CDIN1: variants seen among roughly 807,000 people sequenced by gnomAD.
CDIN1 encodes the protein CDAN1-interacting nuclease 1.
In CDIN1, 33 loss-of-function variants were observed where a neutral mutation model predicts 45.3. The observed-to-expected ratio is 0.73, with a 90% CI of 0.55 to 0.97. The LOEUF is 0.97. CDIN1 is among the 50% of genes least tolerant of loss of function. CDIN1 has a pLI of 0.00. For synonymous variants in CDIN1, 118 were observed against 124.4 expected (o/e 0.95, Z 0.34); for missense variants, 303 against 339.4 (o/e 0.89, Z 0.84).
intron 10 of CDIN1, among the ~76,000 whole-genome samples, chr15:36,758,209 G>C (rs1402635420): frequency 6.6e-6 from 1 of 151,988 alleles, no homozygotes; most frequent in Non-Finnish European, 1.5e-5. Context: ...ACTAATCTCA[G>C]AGCAGGCTAG....
intron 10 of CDIN1, among the ~76,000 whole-genome samples, chr15:36,778,601 A>T (rs2054276468): frequency 6.6e-6 from 1 of 152,070 alleles, no homozygotes; most frequent in African/African-American, 2.4e-5. Context: ...ATTTGTATGT[A>T]TTTATCTTGG....
chr15:36,735,066 A>G (rs1812704663), intron 10 of CDIN1, among the ~76,000 whole-genome samples: 1 of 152,216 alleles, frequency 6.6e-6, no homozygotes, highest in Admixed American at 6.5e-5. Flanking sequence ...AGATACTGCA[A>G]ACTACTTTGT....
At chr15:36,765,057 CTTTCTT>C (rs1272809420) in intron 10 of CDIN1, among the ~76,000 whole-genome samples, 1 of 139,644 alleles carries the variant, frequency 7.2e-6, no homozygotes, top group Non-Finnish European at 1.5e-5. Flanking sequence ...ATTTTTCTTT[CTTTCTT>C]TTTTTTTTTT....
rs1266681539 is a variant in CDIN1, at chr15:36,672,547, G to T, written c.346+14642G>T. Among the ~76,000 whole-genome samples, 4 of 151,594 alleles carry T rather than the reference G, an allele frequency of 2.6e-5. No individual in the cohort carries two copies. The East Asian group carries it at 7.8e-4, about 30-fold the overall frequency. ...GTGGTAAGTGCTATGGGGGGAAATA[G>T]AACAGTGCAAACATGCTGAACACCT... On this transcript the variant is annotated intron_variant, in intron 5 of 10. Coordinates refer to ENST00000566621, the MANE Select transcript of CDIN1 (RefSeq NM_001321759.2).
At chr15:36,761,604 TG>T (rs2053765715) in intron 10 of CDIN1, among the ~76,000 whole-genome samples, 1 of 152,202 alleles carries the variant, frequency 6.6e-6, no homozygotes, top group South Asian at 2.1e-4. Context: ...CAAAGTTCAC[TG>T]AACTGACACT....
intron 1 of CDIN1, among the ~76,000 whole-genome samples, chr15:36,626,404 G>A (rs2039427715): frequency 6.8e-6 from 1 of 148,054 alleles, no homozygotes. Context: ...AAAAAAAATA[G>A]TTCTCGAGGG....
chr15:36,754,603 A>G (rs1201318272), intron 10 of CDIN1, among the ~76,000 whole-genome samples: 2 of 151,008 alleles, frequency 1.3e-5, no homozygotes, highest in African/African-American at 2.4e-5. Context: ...GTAAGGGAAT[A>G]TATAACTTCA....
chr15:36,743,516 G>A (rs1255915629), intron 10 of CDIN1, among the ~76,000 whole-genome samples: 2 of 152,040 alleles, frequency 1.3e-5, no homozygotes, highest in African/African-American at 4.8e-5. Flanking sequence ...CTGCAGTCAG[G>A]GTCCCTGCAA....
intron 1 of CDIN1, among the ~76,000 whole-genome samples, chr15:36,587,150 A>T (rs1223569596): frequency 6.6e-6 from 1 of 152,024 alleles, no homozygotes; most frequent in African/African-American, 2.4e-5. Context: ...GCCCTTAGAG[A>T]TCCTGGCTTA....
At chr15:36,750,904 A>G (rs77667694) in intron 10 of CDIN1, among the ~76,000 whole-genome samples, 25,325 of 151,970 alleles carry the variant, frequency 0.17, 2,458 homozygotes, top group East Asian at 0.29. Context: ...AGTTGGGTGG[A>G]CAACTCAGAG....
chr15:36,722,246 T>C (rs2043446371), intron 10 of CDIN1, among the ~76,000 whole-genome samples: 1 of 151,846 alleles, frequency 6.6e-6, no homozygotes, highest in Non-Finnish European at 1.5e-5. Context: ...ACTTATAGAC[T>C]TCATTGTCAT....
intron 4 of CDIN1, among the ~76,000 whole-genome samples, chr15:36,654,530 A>AAC (rs1360570211): frequency 2.0e-5 from 3 of 151,856 alleles, no homozygotes; most frequent in Non-Finnish European, 2.9e-5. Context: ...AAAAAAAAAA[A>AAC]AACTGCTGTT....
chr15:36,635,739 A>G (rs888345695), intron 1 of CDIN1, among the ~76,000 whole-genome samples: 2 of 152,218 alleles, frequency 1.3e-5, no homozygotes, highest in Non-Finnish European at 2.9e-5. Context: ...AAATTAAAAC[A>G]TTCTGCAGGG....
rs538098187 is a variant in CDIN1 at position 36,734,410 on chromosome 15, T to A, written c.716+24449T>A. ...CTTTAACTTTTATAATTTTTTTTTT[T>A]AAAAAAAGCTCATTTATTTTCCACT... On this transcript the variant is annotated intron_variant, in intron 10 of 10. Coordinates refer to ENST00000566621, the MANE Select transcript of CDIN1 (RefSeq NM_001321759.2). 1.5e-4 allele frequency: 57 copies of A among 387,456 alleles called. 1 individual carries two copies. Among genetic ancestry groups the A allele is most frequent in the Admixed American group, 5.1e-4 (15 of 29,490 alleles). The allele number at this position is 387,456 out of a possible 1,614,324, so 24.0% of individuals were successfully genotyped here. A position where few individuals can be genotyped will look rare whatever the true frequency, so the allele number is the denominator to read the frequency against.
chr15:36,621,336 A>G (rs1595378299), intron 1 of CDIN1, among the ~76,000 whole-genome samples: 1 of 152,340 alleles, frequency 6.6e-6, no homozygotes, highest in East Asian at 1.9e-4. Flanking sequence ...GATACGTATT[A>G]GCGATTAACT....
intron 1 of CDIN1, among the ~76,000 whole-genome samples, chr15:36,625,321 A>T (rs1201679217): frequency 6.6e-6 from 1 of 152,040 alleles, no homozygotes; most frequent in African/African-American, 2.4e-5. Flanking sequence ...TTACTCTGTG[A>T]AAAGGTTGGA....
At chr15:36,605,521 T>C (rs539856252) in intron 1 of CDIN1, among the ~76,000 whole-genome samples, 1 of 152,342 alleles carries the variant, frequency 6.6e-6, no homozygotes, top group Non-Finnish European at 1.5e-5. Context: ...GAATTGTCTA[T>C]AAAGAATAAA....
intron 10 of CDIN1, among the ~76,000 whole-genome samples, chr15:36,786,983 C>T (rs1035747613): frequency 6.6e-6 from 1 of 152,182 alleles, no homozygotes; most frequent in Non-Finnish European, 1.5e-5. Flanking sequence ...CCACCTGCCC[C>T]TTACATTCTT....
At chr15:36,771,976 A>G (rs1321213492) in intron 10 of CDIN1, among the ~76,000 whole-genome samples, 1 of 151,938 alleles carries the variant, frequency 6.6e-6, no homozygotes, top group East Asian at 1.9e-4. Flanking sequence ...AACTCACAGC[A>G]ACTGACTGAA....
Sources: gnomAD v4.1 joint callset for allele counts (sites outside exome capture counted in the v4.1 genomes callset) on GRCh38, gnomAD v4.1.1 for gene constraint, MANE v1.5 for transcripts, NCBI Gene and HGNC (gene_info 2026-07-23, HGNC 2026-07-21) for gene names.